Variants in LAMA2 observed in about 807,000 individuals in gnomAD.
LAMA2 encodes the protein laminin subunit alpha-2.
LAMA2 carries 269 observed loss-of-function variants against 364.8 expected under a neutral mutation model. The observed-to-expected ratio is 0.74, with a 90% CI of 0.67 to 0.82. LAMA2 has a LOEUF of 0.82. LAMA2 is among the 40% of genes least tolerant of loss of function. LAMA2 has a pLI of 0.00. For synonymous variants in LAMA2, 1,379 were observed against 1,370.6 expected (o/e 1.01, Z -0.14); for missense variants, 3,807 against 3,873.2 (o/e 0.98, Z 0.45).
At chr6:129,392,598 A>G (rs1779381068) in intron 36 of LAMA2, among the ~76,000 whole-genome samples, 1 of 152,230 alleles carries the variant, frequency 6.6e-6, no homozygotes, top group Non-Finnish European at 1.5e-5. Flanking sequence ...GATTAAAATT[A>G]TGCTAGTCTA....
chr6:129,336,321 A>G (rs1309137767), intron 29 of LAMA2, among the ~76,000 whole-genome samples: 1 of 152,204 alleles, frequency 6.6e-6, no homozygotes, highest in Non-Finnish European at 1.5e-5. Context: ...GGTTCATTCA[A>G]AATAACACAT....
intron 34 of LAMA2, among the ~76,000 whole-genome samples, chr6:129,374,080 T>C (rs1009979260): frequency 3.9e-5 from 6 of 152,250 alleles, no homozygotes; most frequent in Non-Finnish European, 7.3e-5. Flanking sequence ...AATTACTTTT[T>C]TCCTACCATA....
intron 9 of LAMA2, among the ~76,000 whole-genome samples, chr6:129,175,769 A>G (rs1445176296): frequency 6.6e-6 from 1 of 152,056 alleles, no homozygotes; most frequent in Non-Finnish European, 1.5e-5. Flanking sequence ...GCAGCAAACC[A>G]CCATGGCACG....
At chr6:128,907,867 G>C (rs1301032079) in intron 1 of LAMA2, among the ~76,000 whole-genome samples, 1 of 152,128 alleles carries the variant, frequency 6.6e-6, no homozygotes, top group East Asian at 1.9e-4. Context: ...TTTGTCAACG[G>C]CCTTTTCTGC....
intron 3 of LAMA2, among the ~76,000 whole-genome samples, chr6:129,069,848 T>C (rs551275751): frequency 0.011 from 1,223 of 107,054 alleles, 10 homozygotes; most frequent in Middle Eastern, 0.029. Flanking sequence ...TATATACAAT[T>C]ATATTAATTA....
chr6:129,012,274 T>C (rs1784809688), intron 1 of LAMA2, among the ~76,000 whole-genome samples: 1 of 152,174 alleles, frequency 6.6e-6, no homozygotes, highest in Admixed American at 6.5e-5. Context: ...TTTCCCTATT[T>C]TTGTGACTCA....
intron 30 of LAMA2, among the ~76,000 whole-genome samples, chr6:129,347,350 G>A (rs1362952922): frequency 6.6e-6 from 1 of 152,122 alleles, no homozygotes; most frequent in Non-Finnish European, 1.5e-5. Flanking sequence ...ATCTGCGAAG[G>A]TAGGCACAAT....
At chr6:129,258,135 G>GT (rs528559153) in intron 14 of LAMA2, among the ~76,000 whole-genome samples, 381 of 152,090 alleles carry the variant, frequency 2.5e-3, no homozygotes, top group African/African-American at 8.6e-3. Flanking sequence ...GGCAAGATAG[G>GT]TTTCTGTTCT....
chr6:129,210,339 A>G (rs1365142413), intron 12 of LAMA2, among the ~76,000 whole-genome samples: 1 of 152,140 alleles, frequency 6.6e-6, no homozygotes, highest in Non-Finnish European at 1.5e-5. Context: ...AGCCACCACC[A>G]AAGACTATGT....
chr6:129,492,609 C>T, intron 58 of LAMA2, 126 bp downstream of exon 58: 1 of 855,824 alleles, frequency 1.2e-6, no homozygotes, highest in South Asian at 1.6e-5. Context: ...TATAACCTAT[C>T]TAAACCTATT....
At chr6:129,106,875 A>AAAT (rs1554219038) in intron 4 of LAMA2, among the ~76,000 whole-genome samples, 23 of 142,650 alleles carry the variant, frequency 1.6e-4, no homozygotes, top group African/African-American at 5.0e-4. Context: ...AAAAAAAAAA[A>AAAT]ATATATATAT....
At chr6:128,893,987 T>C (rs1340593483) in intron 1 of LAMA2, among the ~76,000 whole-genome samples, 6 of 152,226 alleles carry the variant, frequency 3.9e-5, no homozygotes, top group South Asian at 2.1e-4. Context: ...TTAAGAAATA[T>C]ATAACAACAA....
intron 13 of LAMA2, among the ~76,000 whole-genome samples, chr6:129,251,297 G>A (rs960813733): frequency 2.6e-5 from 4 of 151,782 alleles, no homozygotes; most frequent in African/African-American, 9.7e-5. Flanking sequence ...AGTCTTTTTT[G>A]TTGTTTGTTT....
intron 37 of LAMA2, among the ~76,000 whole-genome samples, chr6:129,393,469 T>TA (rs1779436313): frequency 6.6e-6 from 1 of 152,158 alleles, no homozygotes; most frequent in African/African-American, 2.4e-5. Flanking sequence ...AAGAATCAAA[T>TA]AAAATTTTGA....
chr6:129,052,231 G>A (rs1788111565), intron 2 of LAMA2, among the ~76,000 whole-genome samples: 1 of 150,154 alleles, frequency 6.7e-6, no homozygotes, highest in South Asian at 2.1e-4. Flanking sequence ...CGCCTCCCGG[G>A]TTCACGCCAT....
chr6:129,405,380 C>A (rs1562534395), intron 40 of LAMA2, among the ~76,000 whole-genome samples: 1 of 152,008 alleles, frequency 6.6e-6, no homozygotes, highest in East Asian at 1.9e-4. Flanking sequence ...TAATTTTACC[C>A]TAATTTAATA....
intron 1 of LAMA2, among the ~76,000 whole-genome samples, chr6:129,039,552 A>G (rs1439181119): frequency 2.0e-5 from 3 of 152,216 alleles, no homozygotes; most frequent in African/African-American, 7.2e-5. Context: ...AGATAATTTC[A>G]ACAACAATGG....
chr6:129,218,085 A>C (rs1783545431), intron 12 of LAMA2, among the ~76,000 whole-genome samples: 1 of 152,206 alleles, frequency 6.6e-6, no homozygotes, highest in Non-Finnish European at 1.5e-5. Context: ...AAATCAGATG[A>C]CATTAAGACC....
At chr6:129,058,561 C>T (rs1162630857) in intron 2 of LAMA2, among the ~76,000 whole-genome samples, 2 of 152,148 alleles carry the variant, frequency 1.3e-5, no homozygotes, top group African/African-American at 4.8e-5. Context: ...TGTAAAGATT[C>T]CTCCACTAGA....
Sources: gnomAD v4.1 joint callset for allele counts (sites outside exome capture counted in the v4.1 genomes callset) on GRCh38, gnomAD v4.1.1 for gene constraint, MANE v1.5 for transcripts, NCBI Gene and HGNC (gene_info 2026-07-23, HGNC 2026-07-21) for gene names.